NLK: variants seen among roughly 807,000 people sequenced by gnomAD.
NLK encodes the protein serine/threonine-protein kinase NLK.
A neutral mutation model predicts 59.0 loss-of-function variants in NLK; 11 were observed. The observed-to-expected ratio is 0.19, with a 90% confidence interval of 0.12 to 0.31. The LOEUF is 0.31. NLK is among the 10% of genes least tolerant of loss of function. The probability of loss-of-function intolerance (pLI) is 1.00; values close to 1 mark genes in which losing one functional copy is unlikely to be tolerated. For synonymous variants in NLK, 235 were observed against 235.9 expected (o/e 1.00, Z 0.03); for missense variants, 410 against 661.1 (o/e 0.62, Z 4.16).
At position 28,116,800 on chromosome 17, in the gene NLK, T is replaced by C. The variant is rs34415228; in HGVS notation, c.459-5803T>C. 1.0e-3 allele frequency among the ~76,000 whole-genome samples: 159 copies of C among 152,328 alleles called. 1 individual carries two copies. Among genetic ancestry groups the C allele is most frequent in the African/African-American group, 3.7e-3 (153 of 41,590 alleles). ...CAATGTTCCTATTACTGAACACATA[T>C]CTTTCAGGAAGTCACCAGTGGAATT... On this transcript the variant is annotated intron_variant, in intron 1 of 10. Transcript: ENST00000407008.
At chr17:28,136,001 A>G (rs531754715) in intron 3 of NLK, among the ~76,000 whole-genome samples, 1 of 152,318 alleles carries the variant, frequency 6.6e-6, no homozygotes, top group South Asian at 2.1e-4. Context: ...CATGAGTGAT[A>G]TAGGTTAGTA....
At position 28,162,992 on chromosome 17, in the gene NLK, A is replaced by T. The variant is rs898814846; in HGVS notation, c.752-551A>T. Among the ~76,000 whole-genome samples, 5 of 152,326 alleles carry T rather than the reference A, an allele frequency of 3.3e-5. No individual in the cohort carries two copies. The East Asian group carries it at 7.7e-4, about 24-fold the overall frequency. Reference sequence around the variant, plus strand: ...CAACCTTGAGGCTGGGACCTTTAGCAGTACTGAATGAAGACACTGGTCTTC... The same window carrying T: ...CAACCTTGAGGCTGGGACCTTTAGCTGTACTGAATGAAGACACTGGTCTTC... On this transcript the variant is annotated intron_variant, in intron 4 of 10. Coordinates refer to ENST00000407008, the MANE Select transcript of NLK (RefSeq NM_016231.5).
In NLK at chr17:28,168,434, C is replaced by T; in HGVS notation, c.838-14C>T. 1 of 1,576,560 alleles carries T rather than the reference C, an allele frequency of 6.3e-7. No individual in the cohort carries two copies. The highest frequency in any genetic ancestry group is 8.7e-7 in the Non-Finnish European group (1 of 1,146,602). ...TATTTGCTTGATAATGTTTTGATTG[C>T]CTTTTCTGTCTAGATTTGTGATTTT... On this transcript the variant is annotated splice_polypyrimidine_tract_variant and intron_variant, in intron 5 of 10. Transcript: ENST00000407008.
chr17:28,059,198 C>G (rs914195805), intron 1 of NLK, among the ~76,000 whole-genome samples: 2 of 151,964 alleles, frequency 1.3e-5, no homozygotes, highest in Non-Finnish European at 2.9e-5. Context: ...TCTTCACACA[C>G]TGGCGGAATT....
At chr17:28,138,185 G>A (rs146780340) in intron 3 of NLK, among the ~76,000 whole-genome samples, 3 of 152,310 alleles carry the variant, frequency 2.0e-5, no homozygotes, top group Admixed American at 6.5e-5. Context: ...GAAAGCACTA[G>A]TTACCTACAG....
At chr17:28,160,218 T>G (rs1907947912) in intron 3 of NLK, among the ~76,000 whole-genome samples, 1 of 152,112 alleles carries the variant, frequency 6.6e-6, no homozygotes, top group Admixed American at 6.6e-5. Flanking sequence ...TGAAGGAGAC[T>G]AAAGCGATTT....
intron 7 of NLK, among the ~76,000 whole-genome samples, chr17:28,179,182 T>G (rs1348033263): frequency 6.6e-6 from 1 of 152,154 alleles, no homozygotes; most frequent in Admixed American, 6.5e-5. Context: ...AGGAGGAAAT[T>G]TAACATGTGT....
rs904949875 is a variant in NLK, at chr17:28,072,578, T to A, written c.458+29247T>A. Among the ~76,000 whole-genome samples the A allele has an allele frequency of 1.2e-4, 18 of 152,162 alleles. 1 individual carries two copies. In the South Asian group the frequency reaches 3.5e-3, roughly 30 times the overall value. On this transcript the variant is annotated intron_variant, in intron 1 of 10. Coordinates refer to ENST00000407008, the MANE Select transcript of NLK (RefSeq NM_016231.5). ...GCCGAGATGAGTGCGCTGATCTTTT[T>A]AAATTTGTCCCTACCACCTTATTTA... is the stretch of plus-strand genomic sequence containing the variant.
intron 4 of NLK, among the ~76,000 whole-genome samples, chr17:28,162,028 T>A (rs1339599924): frequency 1.3e-5 from 2 of 152,092 alleles, no homozygotes. Context: ...TAAGCAATTT[T>A]TTTTTCAGAC....
chr17:28,169,417 GACTAAAAT>G (rs1358605537), intron 6 of NLK, among the ~76,000 whole-genome samples: 1 of 152,026 alleles, frequency 6.6e-6, no homozygotes, highest in Admixed American at 6.6e-5. Flanking sequence ...TTTATTATTG[GACTAAAAT>G]ATCTAAATAT....
intron 3 of NLK, 50 bp from the exon 4 acceptor site, chr17:28,161,110 G>A (rs780289399): frequency 1.0e-6 from 1 of 969,550 alleles, no homozygotes; most frequent in Admixed American, 1.8e-5. Flanking sequence ...ACCACTTTGA[G>A]GGGGTAGGGG....
intron 4 of NLK, among the ~76,000 whole-genome samples, chr17:28,163,145 G>C (rs1476231094): frequency 1.3e-5 from 2 of 152,154 alleles, no homozygotes; most frequent in Non-Finnish European, 2.9e-5. Context: ...CCTGGGAAAG[G>C]CTCCCTGTAG....
At chr17:28,044,199 A>G (rs1239690051) in intron 1 of NLK, among the ~76,000 whole-genome samples, 1 of 152,212 alleles carries the variant, frequency 6.6e-6, no homozygotes, top group Non-Finnish European at 1.5e-5. Flanking sequence ...AGTTTATAAT[A>G]AAATATGTTT....
At chr17:28,172,735 T>C in intron 7 of NLK, 117 bp downstream of exon 7, 1 of 458,996 alleles carries the variant, frequency 2.2e-6, no homozygotes, top group East Asian at 3.7e-5. Flanking sequence ...GATTTTTTTT[T>C]TTAACATCAA....
intron 1 of NLK, among the ~76,000 whole-genome samples, chr17:28,091,696 C>T (rs1216392149): frequency 1.3e-5 from 2 of 152,042 alleles, no homozygotes; most frequent in Non-Finnish European, 2.9e-5. Context: ...ATCTCTAAAA[C>T]GACACTCCAG....
intron 1 of NLK, among the ~76,000 whole-genome samples, chr17:28,060,862 C>T (rs570618783): frequency 1.3e-5 from 2 of 152,264 alleles, no homozygotes; most frequent in East Asian, 3.9e-4. Context: ...ATTGAATGCA[C>T]ACGCTCTTTG....
rs1458279160 is a variant in NLK, at chr17:28,167,134, GAC to G, written c.838-1310_838-1309del. 2.6e-5 allele frequency among the ~76,000 whole-genome samples: 4 copies of G among 152,296 alleles called. No homozygotes were observed. In the East Asian group the frequency reaches 7.7e-4, roughly 29 times the overall value. ...TCACATATATTTCATAAAGACGACA[GAC>G]ACAGTCTCAGCTAAGGAGACCTTCA... On this transcript the variant is annotated intron_variant, in intron 5 of 10. Transcript: ENST00000407008.
At chr17:28,145,442 T>A (rs1907205261) in intron 3 of NLK, among the ~76,000 whole-genome samples, 1 of 152,176 alleles carries the variant, frequency 6.6e-6, no homozygotes, top group Non-Finnish European at 1.5e-5. Flanking sequence ...CAGAAACTAG[T>A]ACTTTTAATT....
At chr17:28,122,948 G>T (rs541053087) in intron 2 of NLK, among the ~76,000 whole-genome samples, 90 of 152,008 alleles carry the variant, frequency 5.9e-4, no homozygotes, top group African/African-American at 1.5e-3. Context: ...TGAAAGAGAT[G>T]CACACACACA....
Sources: allele counts gnomAD v4.1 joint callset (sites outside exome capture counted in the v4.1 genomes callset), GRCh38; gene constraint gnomAD v4.1.1; transcripts MANE v1.5; gene names NCBI Gene and HGNC (gene_info 2026-07-23, HGNC 2026-07-21).